LHFPL3: variants seen among roughly 807,000 people sequenced by gnomAD.
LHFPL3 encodes the protein LHFPL tetraspan subfamily member 3 protein.
A neutral mutation model predicts 19.3 loss-of-function variants in LHFPL3; 5 were observed. The observed-to-expected ratio is 0.26, with a 90% CI of 0.14 to 0.54. LHFPL3 has a LOEUF of 0.54. LHFPL3 is among the 20% of genes least tolerant of loss of function. The pLI is 0.94. For synonymous variants in LHFPL3, 133 were observed against 126.2 expected, an observed-to-expected ratio of 1.05 and a Z score of -0.36; for missense variants, 249 against 307.4, an observed-to-expected ratio of 0.81 and a Z score of 1.42.
chr7:104,438,334 G>A (rs1477131963), intron 1 of LHFPL3, among the ~76,000 whole-genome samples: 1 of 152,152 alleles, frequency 6.6e-6, no homozygotes, highest in African/African-American at 2.4e-5. Flanking sequence ...CTTTTTTCAA[G>A]ATTCTAATTT....
intron 1 of LHFPL3, among the ~76,000 whole-genome samples, chr7:104,384,508 C>T (rs377426956): frequency 1.1e-4 from 17 of 152,056 alleles, no homozygotes; most frequent in Admixed American, 3.3e-4. Flanking sequence ...ATGTATAGGC[C>T]GGGCATGGTG....
chr7:104,614,638 C>CTTCTT (rs1212024323), intron 1 of LHFPL3, among the ~76,000 whole-genome samples: 16 of 128,680 alleles, frequency 1.2e-4, no homozygotes, highest in Non-Finnish European at 2.0e-4. Context: ...CTTCTCTTCT[C>CTTCTT]TTCTCTTCTC....
At chr7:104,654,133 G>T (rs978573561) in intron 1 of LHFPL3, among the ~76,000 whole-genome samples, 6 of 152,106 alleles carry the variant, frequency 3.9e-5, no homozygotes, top group African/African-American at 1.4e-4. Flanking sequence ...AGCTCCACAT[G>T]TGATTTAATT....
intron 2 of LHFPL3, among the ~76,000 whole-genome samples, chr7:104,748,215 C>T (rs11983507): frequency 0.3 from 45,061 of 150,116 alleles, 7,438 homozygotes; most frequent in East Asian, 0.66. Context: ...ACAAAAACTG[C>T]GGAAGGCCGC....
chr7:104,427,945 T>C (rs1791880255), intron 1 of LHFPL3, among the ~76,000 whole-genome samples: 1 of 152,216 alleles, frequency 6.6e-6, no homozygotes. Context: ...CTTCAAAATA[T>C]GAAAGCTGAG....
chr7:104,860,163 C>T (rs377306038), intron 2 of LHFPL3, among the ~76,000 whole-genome samples: 1 of 132,850 alleles, frequency 7.5e-6, no homozygotes, highest in African/African-American at 2.8e-5. Context: ...CAAATACACA[C>T]ACACATACAC....
chr7:104,805,697 CCA>C (rs1482753359), intron 2 of LHFPL3, among the ~76,000 whole-genome samples: 1 of 152,220 alleles, frequency 6.6e-6, no homozygotes, highest in Non-Finnish European at 1.5e-5. Context: ...CAGTCAGCCT[CCA>C]CAGTCTCCCA....
chr7:104,559,931 A>G (rs2115942178), intron 1 of LHFPL3, among the ~76,000 whole-genome samples: 1 of 149,702 alleles, frequency 6.7e-6, no homozygotes, highest in South Asian at 2.1e-4. Flanking sequence ...GCATCTATTG[A>G]GATAATCATG....
At chr7:104,652,681 G>T (rs1239017472) in intron 1 of LHFPL3, among the ~76,000 whole-genome samples, 1 of 152,194 alleles carries the variant, frequency 6.6e-6, no homozygotes, top group Non-Finnish European at 1.5e-5. Flanking sequence ...AGGCTTGGAG[G>T]TGGTGAACGA....
intron 2 of LHFPL3, among the ~76,000 whole-genome samples, chr7:104,892,539 C>T (rs1286983801): frequency 2.0e-5 from 3 of 151,514 alleles, no homozygotes; most frequent in African/African-American, 2.4e-5. Context: ...AGAGAAACCC[C>T]GTCTCTACTA....
intron 1 of LHFPL3, among the ~76,000 whole-genome samples, chr7:104,658,884 C>G (rs1792169351): frequency 6.6e-6 from 1 of 152,164 alleles, no homozygotes. Context: ...GACGCATACC[C>G]CAGATAATTA....
intron 2 of LHFPL3, among the ~76,000 whole-genome samples, chr7:104,887,886 C>G (rs1792176894): frequency 6.6e-6 from 1 of 152,202 alleles, no homozygotes; most frequent in Non-Finnish European, 1.5e-5. Context: ...TGGACTAGAT[C>G]TACTGGTAGG....
intron 1 of LHFPL3, among the ~76,000 whole-genome samples, chr7:104,379,247 G>A (rs551090051): frequency 1.2e-4 from 18 of 152,304 alleles, no homozygotes; most frequent in African/African-American, 2.6e-4. Flanking sequence ...GTTTCAGGAC[G>A]GAGTCAAATC....
intron 1 of LHFPL3, among the ~76,000 whole-genome samples, chr7:104,520,397 T>C (rs1233333802): frequency 2.0e-5 from 3 of 146,868 alleles, no homozygotes; most frequent in Non-Finnish European, 4.5e-5. Context: ...AGGATATTGG[T>C]CTAAAATTCT....
At chr7:104,448,597 T>A (rs1318848476) in intron 1 of LHFPL3, among the ~76,000 whole-genome samples, 1 of 152,212 alleles carries the variant, frequency 6.6e-6, no homozygotes, top group Non-Finnish European at 1.5e-5. Flanking sequence ...TTTTGGAACC[T>A]CTTTTTGAAA....
At chr7:104,898,563 C>T (rs983748011) in intron 2 of LHFPL3, among the ~76,000 whole-genome samples, 1 of 152,208 alleles carries the variant, frequency 6.6e-6, no homozygotes, top group Admixed American at 6.5e-5. Flanking sequence ...GGCTCCTGCC[C>T]TCACTCAGAA....
intron 1 of LHFPL3, among the ~76,000 whole-genome samples, chr7:104,483,806 T>C (rs1793184752): frequency 6.6e-6 from 1 of 152,078 alleles, no homozygotes; most frequent in African/African-American, 2.4e-5. Context: ...TTAAATTTTG[T>C]GTAGAGACAG....
chr7:104,662,680 G>A (rs1373379407), intron 1 of LHFPL3, among the ~76,000 whole-genome samples: 1 of 152,196 alleles, frequency 6.6e-6, no homozygotes, highest in Non-Finnish European at 1.5e-5. Context: ...GGCTTGCAAA[G>A]AGGGTAAATG....
intron 1 of LHFPL3, among the ~76,000 whole-genome samples, chr7:104,406,638 G>A (rs1446754755): frequency 4.6e-5 from 7 of 152,196 alleles, no homozygotes; most frequent in Non-Finnish European, 8.8e-5. Flanking sequence ...TCTTCTCAGA[G>A]AAAGACACAG....
Sources: gnomAD v4.1 joint callset for allele counts (sites outside exome capture counted in the v4.1 genomes callset) on GRCh38, gnomAD v4.1.1 for gene constraint, MANE v1.5 for transcripts, NCBI Gene and HGNC (gene_info 2026-07-23, HGNC 2026-07-21) for gene names.